The following SIN3A variants were observed in gnomAD, a reference collection of about 807,000 sequenced individuals.
The protein encoded by SIN3A is SIN3 transcription regulator family member A.
Under a neutral mutation model 146.1 loss-of-function variants are expected in SIN3A, and 14 were observed. The observed-to-expected ratio is 0.10, with a 90% CI of 0.06 to 0.15. The LOEUF (loss-of-function observed/expected upper bound fraction) is 0.15, where lower values mean the gene tolerates loss of function less well. Among genes scored for constraint, SIN3A ranks in the 10% least tolerant of loss-of-function variants. SIN3A has a pLI of 1.00. For missense variants in SIN3A, 1,028 were observed against 1,576.0 expected (o/e 0.65, Z 5.89); for synonymous variants, 572 against 572.0 (o/e 1.00, Z 0.00).
intron 16 of SIN3A, among the ~76,000 whole-genome samples, chr15:75,387,506 A>G (rs1296537342): frequency 2.0e-5 from 3 of 150,314 alleles, no homozygotes; most frequent in African/African-American, 7.3e-5. Flanking sequence ...GGTTGGAAAA[A>G]AAAAAAAAAA....
chr15:75,440,468 G>GTGATC (rs1320058071), intron 1 of SIN3A, among the ~76,000 whole-genome samples: 1 of 152,030 alleles, frequency 6.6e-6, no homozygotes, highest in Non-Finnish European at 1.5e-5. Flanking sequence ...CTGACCTCAA[G>GTGATC]TGATCTGCCC....
intron 8 of SIN3A, among the ~76,000 whole-genome samples, chr15:75,408,834 T>G (rs2141481997): frequency 6.6e-6 from 1 of 152,328 alleles, no homozygotes; most frequent in Middle Eastern, 3.4e-3. Context: ...CAAGAGGACC[T>G]CAGAGACCAC....
intron 5 of SIN3A, 52 bp from the exon 6 acceptor site, chr15:75,411,795 C>T: frequency 2.6e-6 from 4 of 1,513,184 alleles, no homozygotes; most frequent in African/African-American, 1.4e-5. Flanking sequence ...TGAGTTGATA[C>T]AAGGAAAGTT....
intron 1 of SIN3A, among the ~76,000 whole-genome samples, chr15:75,441,373 A>T (rs533149474): frequency 6.6e-6 from 1 of 152,084 alleles, no homozygotes; most frequent in Non-Finnish European, 1.5e-5. Context: ...GTACAGTGGC[A>T]TGATCATAGC....
At chr15:75,408,220 C>T (rs1303785796) in intron 8 of SIN3A, among the ~76,000 whole-genome samples, 1 of 152,176 alleles carries the variant, frequency 6.6e-6, no homozygotes, top group African/African-American at 2.4e-5. Flanking sequence ...GACGTAAATC[C>T]AAGCATGGAG....
chr15:75,423,632 C>G (rs897812785), intron 2 of SIN3A, among the ~76,000 whole-genome samples: 1 of 152,094 alleles, frequency 6.6e-6, no homozygotes, highest in Non-Finnish European at 1.5e-5. Flanking sequence ...GAGCCAAGAT[C>G]GTGCCACTGC....
chr15:75,412,416 G>A (rs866177623), intron 5 of SIN3A, among the ~76,000 whole-genome samples: 2 of 152,134 alleles, frequency 1.3e-5, no homozygotes, highest in Admixed American at 1.3e-4. Flanking sequence ...AAATAACCAT[G>A]TGGGCAGCAG....
intron 10 of SIN3A, 79 bp downstream of exon 10, chr15:75,401,773 C>T: frequency 2.3e-6 from 2 of 864,552 alleles, no homozygotes; most frequent in African/African-American, 1.7e-5. Context: ...ATTAACTTTG[C>T]CTATCATATA....
chr15:75,376,787 A>G (rs2072865271), intron 19 of SIN3A, among the ~76,000 whole-genome samples: 1 of 150,896 alleles, frequency 6.6e-6, no homozygotes, highest in African/African-American at 2.4e-5. Flanking sequence ...TTGAGCCCAG[A>G]AGGCGGAGGT....
intron 20 of SIN3A, among the ~76,000 whole-genome samples, chr15:75,372,471 AGCTCGCTGT>A (rs2072770684): frequency 6.6e-6 from 1 of 152,154 alleles, no homozygotes. Context: ...GGGCTGAAAA[AGCTCGCTGT>A]TCTCAATTTT....
chr15:75,439,726 GT>G (rs1001225173), intron 1 of SIN3A, among the ~76,000 whole-genome samples: 6 of 152,026 alleles, frequency 3.9e-5, no homozygotes, highest in African/African-American at 1.4e-4. Context: ...CTGACCTAAA[GT>G]TTTTTAGAAC....
chr15:75,390,429 T>G (rs996309693), intron 15 of SIN3A, among the ~76,000 whole-genome samples: 1 of 152,244 alleles, frequency 6.6e-6, no homozygotes, highest in African/African-American at 2.4e-5. Context: ...TCATCTGTAG[T>G]TGCTGCACAT....
intron 1 of SIN3A, among the ~76,000 whole-genome samples, chr15:75,431,976 C>T (rs2074020815): frequency 6.6e-6 from 1 of 152,216 alleles, no homozygotes; most frequent in Non-Finnish European, 1.5e-5. Flanking sequence ...TATATAACTT[C>T]AGACTAAGTC....
intron 1 of SIN3A, among the ~76,000 whole-genome samples, chr15:75,435,795 G>C (rs2074097570): frequency 6.6e-6 from 1 of 151,552 alleles, no homozygotes; most frequent in African/African-American, 2.4e-5. Context: ...ATGTACTAAA[G>C]ATTTGTACAT....
At position 75,448,929 on chromosome 15, in the gene SIN3A, G is replaced by A. The variant is rs529734902; in HGVS notation, c.-34+2494C>T. On this transcript the variant is annotated intron_variant, in intron 1 of 20. Transcript: ENST00000394947. ...AAATTATTAAAACCCTCTTAATTAC[G>A]AAGTGCCAATCTTTCTAAGCTATTT... Among the ~76,000 whole-genome samples the A allele has an allele frequency of 7.9e-5, 12 of 152,256 alleles. No individual in the cohort carries two copies. In the South Asian group the frequency reaches 1.5e-3, roughly 18 times the overall value.
intron 9 of SIN3A, among the ~76,000 whole-genome samples, chr15:75,406,442 C>T (rs748166414): frequency 6.6e-6 from 1 of 152,196 alleles, no homozygotes; most frequent in Non-Finnish European, 1.5e-5. Flanking sequence ...AATCCCAGCA[C>T]TTTGGGAGGC....
chr15:75,433,701 T>C (rs1266600759), intron 1 of SIN3A, among the ~76,000 whole-genome samples: 1 of 151,772 alleles, frequency 6.6e-6, no homozygotes, highest in Admixed American at 6.6e-5. Context: ...TCCTAGCTAC[T>C]CGGGAGGCTG....
chr15:75,436,191 G>A (rs1038442627), intron 1 of SIN3A, among the ~76,000 whole-genome samples: 10 of 151,514 alleles, frequency 6.6e-5, no homozygotes, highest in Admixed American at 4.6e-4. Context: ...TGCTAGCCAC[G>A]CACAATGGCT....
chr15:75,408,410 G>GT (rs1399424179), intron 8 of SIN3A, among the ~76,000 whole-genome samples: 1 of 152,228 alleles, frequency 6.6e-6, no homozygotes, highest in African/African-American at 2.4e-5. Context: ...GTCAGACCTT[G>GT]TAGTCAGTCA....
Sources: gnomAD v4.1 joint callset for allele counts (sites outside exome capture counted in the v4.1 genomes callset) on GRCh38, gnomAD v4.1.1 for gene constraint, MANE v1.5 for transcripts, NCBI Gene and HGNC (gene_info 2026-07-23, HGNC 2026-07-21) for gene names.